Variants in TCERG1L observed in about 807,000 individuals in gnomAD.
TCERG1L encodes the protein transcription elongation regulator 1 like.
Under a neutral mutation model 56.3 loss-of-function variants are expected in TCERG1L, and 37 were observed. The ratio of observed to expected loss-of-function variants is 0.66; its 90% confidence interval spans 0.51 to 0.87. The LOEUF (loss-of-function observed/expected upper bound fraction) is 0.87. Among genes scored for constraint, TCERG1L ranks in the 40% least tolerant of loss-of-function variants. The pLI, the probability that TCERG1L is intolerant of heterozygous loss-of-function variation, is 0.00. For synonymous variants in TCERG1L, 324 were observed against 326.3 expected (o/e 0.99, Z 0.08); for missense variants, 799 against 774.2 (o/e 1.03, Z -0.38).
At chr10:131,124,357 C>T (rs1589721714) in intron 8 of TCERG1L, among the ~76,000 whole-genome samples, 1 of 152,294 alleles carries the variant, frequency 6.6e-6, no homozygotes, top group Admixed American at 6.5e-5. Context: ...AGGGAGTCCC[C>T]GTCCCCAAGG....
intron 4 of TCERG1L, among the ~76,000 whole-genome samples, chr10:131,225,326 G>A (rs1845779748): frequency 6.6e-6 from 1 of 152,158 alleles, no homozygotes; most frequent in Admixed American, 6.5e-5. Flanking sequence ...GGCTGGAAAA[G>A]CATGCTACAG....
In TCERG1L at chr10:131,136,197, TATCCAC is replaced by T. The variant is rs1195678531; in HGVS notation, c.1190-1755_1190-1750del. Among the ~76,000 whole-genome samples the T allele has an allele frequency of 5.9e-5, 9 of 152,226 alleles. No homozygotes were observed. In the East Asian group the frequency reaches 1.7e-3, roughly 29 times the overall value. ...GAAGGGAAGAGAGGACACTGGAGGG[TATCCAC>T]TTCCTCCTCTCTGGCTGCCTTCTGC... On this transcript the variant is annotated intron_variant, in intron 7 of 11. Transcript: ENST00000368642.
chr10:131,161,518 C>T (rs182209260), intron 6 of TCERG1L: 1 of 152,298 alleles, frequency 6.6e-6, no homozygotes, highest in Non-Finnish European at 1.5e-5. Context: ...CTACCAAGTC[C>T]CTGACCTGGT....
rs2133404325 is a variant in TCERG1L at position 131,134,387 on chromosome 10, C to G, written c.1251G>C (p.Lys417Asn). The change falls in exon 8 of 12, where the codon AAG (lysine) becomes AAC (asparagine). Residue 417 changes from lysine (K) to asparagine (N), a missense_variant. Lys to Asn is a moderately conservative substitution (Grantham distance 94). Transcript: ENST00000368642. ...DNREDQDVKT[K>N]RNRTEGCGSP... ...AGAGCACGGCCACCTACCGGTTCCT[C>G]TTGGTTTTCACATCTTGGTCTTCCC... 1 of 1,590,804 alleles carries G rather than the reference C, an allele frequency of 6.3e-7. No homozygotes were observed. The highest frequency in any genetic ancestry group is 1.8e-5 in the Admixed American group (1 of 56,964).
At chr10:131,116,473 C>A (rs1268717717) in intron 9 of TCERG1L, among the ~76,000 whole-genome samples, 1 of 152,290 alleles carries the variant, frequency 6.6e-6, no homozygotes, top group South Asian at 2.1e-4. Context: ...ACAGGAGAAA[C>A]CACAAAGGCA....
chr10:131,298,375 G>A (rs906972756), intron 3 of TCERG1L, among the ~76,000 whole-genome samples: 1 of 151,880 alleles, frequency 6.6e-6, no homozygotes, highest in Non-Finnish European at 1.5e-5. Context: ...CCTTGTTACT[G>A]ATTTCTAACT....
intron 4 of TCERG1L, 54 bp from the exon 5 acceptor site, chr10:131,166,939 A>AGATG: frequency 1.3e-6 from 2 of 1,521,220 alleles, no homozygotes; most frequent in Non-Finnish European, 1.8e-6. Flanking sequence ...GTAGTTTGGA[A>AGATG]AACCTAAGCA....
chr10:131,260,174 G>C lies in TCERG1L; in HGVS notation c.856+85C>G, dbSNP rs561725959. On this transcript the variant is annotated intron_variant, in intron 4 of 11. Transcript: ENST00000368642. The surrounding 1 kb of genome is among the most constrained non-coding windows in gnomAD (Gnocchi z 5.8). ...CGGGCTTCAGGTCCCACAGCGCCTG[G>C]GCCCAGGCCAGGGGCATCTAACCAG... The C allele has an allele frequency of 4.8e-6, 6 of 1,249,608 alleles. No homozygotes were observed. The African/African-American group carries it at 7.7e-5, about 16-fold the overall frequency. 77.4% of individuals were successfully genotyped at this position (1,249,608 alleles called of 1,614,324 possible).
At chr10:131,163,517 G>A (rs1845999820) in intron 5 of TCERG1L, among the ~76,000 whole-genome samples, 1 of 152,172 alleles carries the variant, frequency 6.6e-6, no homozygotes, top group Admixed American at 6.5e-5. Context: ...TGAGGTCTGA[G>A]GTCTTTGGGA....
At chr10:131,177,103 C>G (rs1368201460) in intron 4 of TCERG1L, among the ~76,000 whole-genome samples, 1 of 152,064 alleles carries the variant, frequency 6.6e-6, no homozygotes, top group East Asian at 1.9e-4. Context: ...GACACATGCA[C>G]ACACAGACAC....
chr10:131,099,295 C>T (rs1845281980), intron 10 of TCERG1L, among the ~76,000 whole-genome samples: 1 of 152,218 alleles, frequency 6.6e-6, no homozygotes, highest in Admixed American at 6.5e-5. Context: ...GGCCACAGAA[C>T]CTCTTCTCTG....
intron 4 of TCERG1L, among the ~76,000 whole-genome samples, chr10:131,196,304 C>T (rs776951233): frequency 1.3e-5 from 2 of 152,166 alleles, no homozygotes; most frequent in South Asian, 2.1e-4. Flanking sequence ...ATCACTGTCC[C>T]TGCTTGAACC....
intron 4 of TCERG1L, among the ~76,000 whole-genome samples, chr10:131,241,633 AGC>A (rs1845974602): frequency 6.7e-6 from 1 of 149,738 alleles, no homozygotes; most frequent in African/African-American, 2.5e-5. Context: ...CACAGTGGAT[AGC>A]GCAATATAAA....
At chr10:131,223,443 T>A (rs1023233496) in intron 4 of TCERG1L, among the ~76,000 whole-genome samples, 3 of 152,222 alleles carry the variant, frequency 2.0e-5, no homozygotes, top group Admixed American at 2.0e-4. Context: ...TGCCGACCCA[T>A]CCTGATGATT....
intron 4 of TCERG1L, among the ~76,000 whole-genome samples, chr10:131,257,527 T>A (rs767672509): frequency 6.6e-6 from 1 of 152,164 alleles, no homozygotes. Flanking sequence ...CCACATTAAC[T>A]CTCCCAGATG....
In TCERG1L at chr10:131,163,195, G is replaced by A; in HGVS notation, c.961C>T (p.Leu321=). 6 of 1,554,240 alleles carry A rather than the reference G, an allele frequency of 3.9e-6. No homozygotes were observed. Among genetic ancestry groups the A allele is most frequent in the Non-Finnish European group, 5.2e-6 (6 of 1,149,714 alleles). ...GCTGTGCTGTCCTCTCCTCCCCCCAGCATCGGTGGAGGCTCCTTTCAACAG... is the reference window on the plus strand; with the variant it reads ...GCTGTGCTGTCCTCTCCTCCCCCCAACATCGGTGGAGGCTCCTTTCAACAG... ...DKEDKEPPPM[L]GGGEDSTARG... is the part of the protein sequence containing the mutation. The change falls in exon 6 of 12, where the codon CTG becomes TTG. Residue 321 remains leucine, a synonymous_variant. Coordinates refer to ENST00000368642, the MANE Select transcript of TCERG1L (RefSeq NM_174937.4).
At chr10:131,195,501 G>C (rs930475927) in intron 4 of TCERG1L, among the ~76,000 whole-genome samples, 1 of 152,200 alleles carries the variant, frequency 6.6e-6, no homozygotes, top group Non-Finnish European at 1.5e-5. Context: ...TTATCTCCAG[G>C]GAAGATGTTC....
In TCERG1L at chr10:131,190,847, AG is replaced by A. The variant is rs541432449; in HGVS notation, c.857-23963del. On this transcript the variant is annotated intron_variant, in intron 4 of 11. Coordinates refer to ENST00000368642, the MANE Select transcript of TCERG1L (RefSeq NM_174937.4). ...TAGTTTTGCCACTCTTATTCAACAA[AG>A]TTCCGGAAGTACTAACCAGAGAAAT... Among the ~76,000 whole-genome samples the A allele has an allele frequency of 2.4e-3, 344 of 144,240 alleles. 56 individuals carry two copies. The highest frequency in any genetic ancestry group is 7.7e-3 in the African/African-American group (296 of 38,320). 94.6% of individuals were successfully genotyped at this position (144,240 alleles called of 152,430 possible).
intron 6 of TCERG1L, 42 bp from the exon 7 acceptor site, chr10:131,146,702 A>C (rs1554888073): frequency 1.3e-6 from 2 of 1,569,190 alleles, no homozygotes; most frequent in East Asian, 4.5e-5. Flanking sequence ...TCTCGGAGAC[A>C]CTTAATTAGA....
Sources: gnomAD v4.1 joint callset for allele counts (sites outside exome capture counted in the v4.1 genomes callset) on GRCh38, gnomAD v4.1.1 for gene constraint, Gnocchi (gnomAD v3.1) non-coding constraint, MANE v1.5 for transcripts, NCBI Gene and HGNC (gene_info 2026-07-23, HGNC 2026-07-21) for gene names.